CTTNBP2: variants seen among roughly 807,000 people sequenced by gnomAD.
CTTNBP2 encodes cortactin binding protein 2.
CTTNBP2 carries 108 observed loss-of-function variants against 156.9 expected under a neutral mutation model. That is an observed-to-expected ratio of 0.69 (90% CI 0.59 to 0.81). CTTNBP2 has a LOEUF of 0.81. Ranked by LOEUF, CTTNBP2 falls within the 30% of genes least tolerant of loss-of-function variation. CTTNBP2 has a pLI of 0.00. For synonymous variants in CTTNBP2, 767 were observed against 751.8 expected, an observed-to-expected ratio of 1.02 and a Z score of -0.33; for missense variants, 1,924 against 2,035.4, an observed-to-expected ratio of 0.95 and a Z score of 1.05.
intron 2 of CTTNBP2, among the ~76,000 whole-genome samples, chr7:117,831,137 A>G (rs1584507730): frequency 6.6e-6 from 1 of 152,200 alleles, no homozygotes; most frequent in East Asian, 1.9e-4. Context: ...CTCATTCACC[A>G]ACAACTCTGT....
intron 22 of CTTNBP2, among the ~76,000 whole-genome samples, chr7:117,717,638 G>A (rs113133060): frequency 4.0e-5 from 6 of 151,808 alleles, no homozygotes; most frequent in South Asian, 2.1e-4. Context: ...CTAGGTTATC[G>A]GATTGAAGGA....
chr7:117,716,479 G>A (rs1794384895), intron 22 of CTTNBP2, among the ~76,000 whole-genome samples: 1 of 152,104 alleles, frequency 6.6e-6, no homozygotes, highest in Non-Finnish European at 1.5e-5. Context: ...CCTAGAGACT[G>A]GCGTCCAGTC....
intron 9 of CTTNBP2, among the ~76,000 whole-genome samples, chr7:117,763,605 G>A (rs1376920004): frequency 7.1e-6 from 1 of 139,898 alleles, no homozygotes; most frequent in Non-Finnish European, 1.5e-5. Flanking sequence ...CTGTCACCCA[G>A]GCTGGAGGGC....
rs566833803 is a variant in CTTNBP2 at position 117,774,484 on chromosome 7, C to T, written c.2778+3027G>A. On this transcript the variant is annotated intron_variant, in intron 8 of 22. Coordinates refer to ENST00000160373, the MANE Select transcript of CTTNBP2 (RefSeq NM_033427.3). ...GGGTGGGCAAGCATTCCTGTCTGAGCTCTGCCTCCTGTCAGATCAATGGTG... is the reference window on the plus strand; with the variant it reads ...GGGTGGGCAAGCATTCCTGTCTGAGTTCTGCCTCCTGTCAGATCAATGGTG... 1.7e-3 allele frequency among the ~76,000 whole-genome samples: 264 copies of T among 152,252 alleles called. 1 individual carries two copies. Among genetic ancestry groups the T allele is most frequent in the African/African-American group, 6.2e-3 (259 of 41,558 alleles).
At chr7:117,830,480 G>A (rs774023200) in intron 2 of CTTNBP2, among the ~76,000 whole-genome samples, 2 of 152,162 alleles carry the variant, frequency 1.3e-5, no homozygotes, top group Non-Finnish European at 2.9e-5. Flanking sequence ...GAGACATACC[G>A]AACATCAATG....
chr7:117,776,420 A>C (rs1240647256), intron 8 of CTTNBP2, among the ~76,000 whole-genome samples: 1 of 152,198 alleles, frequency 6.6e-6, no homozygotes, highest in African/African-American at 2.4e-5. Context: ...TTTGACTAGT[A>C]AATTAAGACC....
rs146334496 is a variant in CTTNBP2 at position 117,728,248 on chromosome 7, G to T, written c.3896C>A (p.Ser1299Tyr). 21 of 1,613,728 alleles carry T rather than the reference G, an allele frequency of 1.3e-5. No homozygotes were observed. The African/African-American group carries it at 2.4e-4, about 18-fold the overall frequency. ...AATCTTGCACACAGGATCGCAGGGG[G>T]AGGGCGCCTGACCTTTGAACTAGAG... ...VVNKFKGQAPSPCDPVCKIVD... is the reference protein window; with the variant it reads ...VVNKFKGQAPYPCDPVCKIVD... The change falls in exon 17 of 23, where the codon TCC becomes TAC. Residue 1299 changes from serine (S) to tyrosine (Y), a missense_variant. Ser to Tyr is a moderately radical substitution (Grantham distance 144). Coordinates refer to ENST00000160373, the MANE Select transcript of CTTNBP2 (RefSeq NM_033427.3).
chr7:117,759,589 T>C (rs1194186787), intron 10 of CTTNBP2, among the ~76,000 whole-genome samples: 2 of 152,216 alleles, frequency 1.3e-5, no homozygotes, highest in Non-Finnish European at 2.9e-5. Context: ...AAAGCCCACT[T>C]TTCCCTCAAC....
intron 14 of CTTNBP2, among the ~76,000 whole-genome samples, chr7:117,744,082 A>T (rs1384637257): frequency 6.6e-6 from 1 of 152,098 alleles, no homozygotes; most frequent in Non-Finnish European, 1.5e-5. Flanking sequence ...AGGTGTTTTG[A>T]TACAGGCTTG....
chr7:117,715,601 CTGT>C (rs1211751632), intron 22 of CTTNBP2, among the ~76,000 whole-genome samples: 2 of 151,612 alleles, frequency 1.3e-5, no homozygotes, highest in Non-Finnish European at 2.9e-5. Context: ...TTTGTTCTTC[CTGT>C]TGATTTAAAT....
Position 117,788,875 on chromosome 7 carries a change from T to C in CTTNBP2, c.2068+2253A>G, listed in dbSNP as rs1465769876. On this transcript the variant is annotated intron_variant, in intron 4 of 22. Coordinates refer to ENST00000160373, the MANE Select transcript of CTTNBP2 (RefSeq NM_033427.3). Reference sequence around the variant, plus strand: ...TAGAAACTGGTTATTCTACCAAAAGTAATTCAGAAGTTCTGAGAGGAATAA... The same window carrying C: ...TAGAAACTGGTTATTCTACCAAAAGCAATTCAGAAGTTCTGAGAGGAATAA... Among the ~76,000 whole-genome samples the C allele has an allele frequency of 3.9e-5, 6 of 152,320 alleles. No individual in the cohort carries two copies. In the South Asian group the frequency reaches 1.2e-3, roughly 32 times the overall value.
intron 4 of CTTNBP2, among the ~76,000 whole-genome samples, chr7:117,788,020 G>A (rs973705306): frequency 6.6e-6 from 1 of 152,144 alleles, no homozygotes; most frequent in African/African-American, 2.4e-5. Flanking sequence ...TGTCACCCAG[G>A]CTGGTGCACA....
intron 18 of CTTNBP2, 122 bp downstream of exon 18, chr7:117,724,930 G>T: frequency 9.3e-7 from 1 of 1,074,850 alleles, no homozygotes; most frequent in Non-Finnish European, 1.4e-6. Context: ...CACAGTTCTG[G>T]AACACTGCTA....
chr7:117,833,132 A>G (rs1261588402), intron 2 of CTTNBP2, among the ~76,000 whole-genome samples: 1 of 152,096 alleles, frequency 6.6e-6, no homozygotes, highest in African/African-American at 2.4e-5. Flanking sequence ...CAGGTATCCC[A>G]TAAGTCCCAC....
chr7:117,732,311 A>C (rs1368920410), intron 16 of CTTNBP2, among the ~76,000 whole-genome samples: 2 of 152,138 alleles, frequency 1.3e-5, no homozygotes. Flanking sequence ...GGTTCACACA[A>C]AAATAAATAT....
intron 16 of CTTNBP2, 104 bp downstream of exon 16, chr7:117,734,809 T>G: frequency 1.2e-6 from 1 of 817,144 alleles, no homozygotes; most frequent in East Asian, 2.9e-5. Context: ...AAGCTGTACC[T>G]GCCCAAGGCT....
intron 22 of CTTNBP2, among the ~76,000 whole-genome samples, chr7:117,717,610 T>G (rs1794497199): frequency 6.6e-6 from 1 of 152,046 alleles, no homozygotes; most frequent in Admixed American, 6.5e-5. Flanking sequence ...ACCCACACAC[T>G]GACCACTTAG....
At chr7:117,838,968 G>T (rs368701135) in intron 2 of CTTNBP2, among the ~76,000 whole-genome samples, 1 of 25,246 alleles carries the variant, frequency 4.0e-5, no homozygotes, top group Admixed American at 7.6e-4. Flanking sequence ...TTGCGGGGGC[G>T]GGGGGGGGGC....
chr7:117,828,209 T>C (rs958568491), intron 2 of CTTNBP2, among the ~76,000 whole-genome samples: 78 of 152,118 alleles, frequency 5.1e-4, no homozygotes, highest in African/African-American at 1.8e-3. Context: ...TGAGAGAAGG[T>C]ATACCTCCTG....
Sources: gnomAD v4.1 joint callset for allele counts (sites outside exome capture counted in the v4.1 genomes callset) on GRCh38, gnomAD v4.1.1 for gene constraint, MANE v1.5 for transcripts, NCBI Gene and HGNC (gene_info 2026-07-23, HGNC 2026-07-21) for gene names.